The following FIG4 variants were observed in gnomAD, a reference collection of about 807,000 sequenced individuals.
FIG4 encodes polyphosphoinositide phosphatase.
FIG4 carries 112 observed loss-of-function variants against 118.6 expected under a neutral mutation model. That is an observed-to-expected ratio of 0.94 (90% confidence interval 0.81 to 1.11). FIG4 has a LOEUF of 1.11. Ranked by LOEUF, FIG4 falls within the 50% of genes least tolerant of loss-of-function variation. FIG4 has a pLI of 0.00. For synonymous variants in FIG4, 369 were observed against 381.2 expected (o/e 0.97, Z 0.37); for missense variants, 969 against 1,111.7 (o/e 0.87, Z 1.83).
At chr6:109,770,644 T>C (rs1777430232) in intron 15 of FIG4, among the ~76,000 whole-genome samples, 1 of 152,072 alleles carries the variant, frequency 6.6e-6, no homozygotes, top group Admixed American at 6.5e-5. Flanking sequence ...CAGGGAACTT[T>C]TAATCCTGGC....
chr6:109,776,972 A>G lies in FIG4; in HGVS notation c.1801A>G (p.Thr601Ala), dbSNP rs986837200. 3 of 1,613,130 alleles carry G rather than the reference A, an allele frequency of 1.9e-6. No individual in the cohort carries two copies. Among genetic ancestry groups the G allele is most frequent in the Admixed American group, 1.7e-5 (1 of 60,000 alleles). The change falls in exon 16 of 23, where the codon ACT becomes GCT. Residue 601 changes from threonine (T) to alanine (A), a missense_variant. Physicochemically the swap from Thr to Ala is moderately conservative, Grantham distance 58. This residue lies in a region of FIG4 where 246 missense variants were observed against 354.3 expected (regional missense o/e 0.69). Coordinates refer to ENST00000230124, the MANE Select transcript of FIG4 (RefSeq NM_014845.6). ...TCTCTTCCTGGGAGTTTTCCATCCC[A>G]CTGAAGGGAAACCTCATCTCTGGGA... Reference protein sequence around the residue: ...INLFLGVFHPTEGKPHLWELP... With the variant: ...INLFLGVFHPAEGKPHLWELP...
At chr6:109,808,765 C>T (rs1182812047) in intron 22 of FIG4, among the ~76,000 whole-genome samples, 2 of 152,030 alleles carry the variant, frequency 1.3e-5, no homozygotes, top group Non-Finnish European at 2.9e-5. Flanking sequence ...GTGTTTGTTA[C>T]CAATGATAAA....
intron 3 of FIG4, among the ~76,000 whole-genome samples, chr6:109,726,719 T>C (rs943784842): frequency 2.0e-5 from 3 of 152,218 alleles, no homozygotes; most frequent in Non-Finnish European, 4.4e-5. Flanking sequence ...TTTCACAATA[T>C]TGATTCTTCT....
chr6:109,741,397 T>C, intron 7 of FIG4, 47 bp from the exon 8 acceptor site: 1 of 1,156,082 alleles, frequency 8.6e-7, no homozygotes, highest in Non-Finnish European at 1.3e-6. Flanking sequence ...TCTCTTGGTC[T>C]TATGTGACAG....
At chr6:109,695,705 G>A (rs1096137) in intron 1 of FIG4, among the ~76,000 whole-genome samples, 119,931 of 152,020 alleles carry the variant, frequency 0.79, 47,453 homozygotes, top group African/African-American at 0.86. Context: ...CATTGCTTTG[G>A]TTGTGCTTTG....
chr6:109,785,717 A>G (rs1240423401), intron 17 of FIG4: 2 of 470,252 alleles, frequency 4.3e-6, no homozygotes, highest in African/African-American at 2.0e-5. Context: ...CCAATTGAGG[A>G]CTCCATCTAG....
intron 22 of FIG4, among the ~76,000 whole-genome samples, chr6:109,813,219 A>C (rs1239481043): frequency 1.3e-5 from 2 of 152,166 alleles, no homozygotes; most frequent in Non-Finnish European, 2.9e-5. Context: ...CCCCACTGCC[A>C]ATCATTTGAG....
intron 11 of FIG4, among the ~76,000 whole-genome samples, chr6:109,760,763 C>G (rs1234008958): frequency 6.6e-6 from 1 of 152,084 alleles, no homozygotes; most frequent in Non-Finnish European, 1.5e-5. Context: ...AGTGTAATGT[C>G]AAAGGCTCGT....
chr6:109,800,715 A>G (rs1006205836), intron 22 of FIG4, among the ~76,000 whole-genome samples: 5 of 152,006 alleles, frequency 3.3e-5, no homozygotes, highest in African/African-American at 1.2e-4. Flanking sequence ...TGCTCCCTCC[A>G]TGTCCCACTG....
intron 1 of FIG4, among the ~76,000 whole-genome samples, chr6:109,696,460 T>TATTGA (rs1774722633): frequency 6.6e-6 from 1 of 152,224 alleles, no homozygotes; most frequent in Non-Finnish European, 1.5e-5. Flanking sequence ...GTAGCACTAT[T>TATTGA]CACGATAGCT....
At chr6:109,814,178 G>A (rs116203329) in intron 22 of FIG4, among the ~76,000 whole-genome samples, 1,890 of 152,142 alleles carry the variant, frequency 0.012, 38 homozygotes, top group African/African-American at 0.043. Context: ...AGACAGTCTC[G>A]CTCTGTAACC....
intron 17 of FIG4, 132 bp downstream of exon 17, chr6:109,785,160 T>A: frequency 1.4e-6 from 1 of 695,210 alleles, no homozygotes; most frequent in Non-Finnish European, 2.6e-6. Context: ...AGTATTATGT[T>A]GCTGCTTTAA....
chr6:109,786,525 T>G, intron 18 of FIG4, 76 bp downstream of exon 18: 1 of 1,535,596 alleles, frequency 6.5e-7, no homozygotes, highest in South Asian at 1.1e-5. Flanking sequence ...ATGTCTGTCT[T>G]TACCAGAAAT....
chr6:109,744,863 TC>T (rs1324559153), intron 10 of FIG4, among the ~76,000 whole-genome samples: 1 of 151,622 alleles, frequency 6.6e-6, no homozygotes, highest in Non-Finnish European at 1.5e-5. Flanking sequence ...ATTGTTCAGT[TC>T]CCACTTACGA....
intron 22 of FIG4, among the ~76,000 whole-genome samples, chr6:109,810,999 A>G (rs1480779914): frequency 6.6e-6 from 1 of 152,190 alleles, no homozygotes; most frequent in Non-Finnish European, 1.5e-5. Context: ...GTTCCCAGAT[A>G]AGATGCTTAG....
chr6:109,800,636 C>A (rs1278056347), intron 22 of FIG4, among the ~76,000 whole-genome samples: 1 of 146,878 alleles, frequency 6.8e-6, no homozygotes, highest in East Asian at 2.7e-4. Flanking sequence ...CTGAAATGCA[C>A]TGACTCTCAT....
At chr6:109,743,039 C>A in intron 8 of FIG4, 71 bp from the exon 9 acceptor site, 1 of 1,298,734 alleles carries the variant, frequency 7.7e-7, no homozygotes. Context: ...GGAATTATAA[C>A]TTCATTGAAA....
intron 5 of FIG4, among the ~76,000 whole-genome samples, chr6:109,734,781 T>C (rs1265131467): frequency 6.6e-6 from 1 of 152,116 alleles, no homozygotes; most frequent in African/African-American, 2.4e-5. Flanking sequence ...TTGCAGTGGA[T>C]GTTATAGATC....
chr6:109,789,363 T>A (rs1778072366), intron 18 of FIG4, among the ~76,000 whole-genome samples: 4 of 151,878 alleles, frequency 2.6e-5, no homozygotes, highest in Admixed American at 2.6e-4. Flanking sequence ...TGGTTTTATG[T>A]CCCTATTGGG....
Sources: allele counts gnomAD v4.1 joint callset (sites outside exome capture counted in the v4.1 genomes callset), GRCh38; gene constraint gnomAD v4.1.1; regional missense constraint gnomAD v4.1.1; transcripts MANE v1.5; gene names NCBI Gene and HGNC (gene_info 2026-07-23, HGNC 2026-07-21).